SLC10A2: variants seen among roughly 807,000 people sequenced by gnomAD.
SLC10A2 encodes the protein solute carrier family 10 member 2, also known as ileal sodium/bile acid cotransporter.
In SLC10A2, 34 loss-of-function variants were observed where a neutral mutation model predicts 27.1. That is an observed-to-expected ratio of 1.26 (90% CI 0.96 to 1.67). The LOEUF is 1.67. Ranked by LOEUF, SLC10A2 falls within the 40% of genes most tolerant of loss-of-function variation. The pLI is 0.00. For synonymous variants in SLC10A2, 205 were observed against 174.0 expected, an observed-to-expected ratio of 1.18 and a Z score of -1.40; for missense variants, 530 against 444.4, an observed-to-expected ratio of 1.19 and a Z score of -1.73.
chr13:103,053,616 C>T (rs969758474), intron 2 of SLC10A2, among the ~76,000 whole-genome samples: 4 of 152,002 alleles, frequency 2.6e-5, no homozygotes, highest in Non-Finnish European at 2.9e-5. Context: ...TGATATTGAA[C>T]GGTGAAATTC....
intron 2 of SLC10A2, among the ~76,000 whole-genome samples, chr13:103,053,318 A>G (rs1875844203): frequency 6.6e-6 from 1 of 152,204 alleles, no homozygotes; most frequent in African/African-American, 2.4e-5. Context: ...GGTGAGAACA[A>G]AAGTTGAGAA....
Position 103,049,387 on chromosome 13 carries a change from A to G in SLC10A2, c.821T>C (p.Val274Ala), listed in dbSNP as rs749441636. The G allele has an allele frequency of 1.2e-6, 2 of 1,614,104 alleles. No homozygotes were observed. The highest frequency in any genetic ancestry group is 2.2e-5 in the South Asian group (2 of 91,080). ...CTCCTCAGGAGTGAAGGAGAGCTGA[A>G]CGATGGTGGAACATAGCTGCGTGTT... ...MQNTQLCSTI[V>A]QLSFTPEELN... The change falls in exon 5 of 6, where the codon GTT becomes GCT. Residue 274 changes from valine to alanine, a missense_variant. Val to Ala is a moderately conservative substitution (Grantham distance 64). Transcript: ENST00000245312.
At chr13:103,049,207 G>C in intron 5 of SLC10A2, 82 bp downstream of exon 5, 1 of 1,429,262 alleles carries the variant, frequency 7.0e-7, no homozygotes, top group Non-Finnish European at 9.8e-7. Context: ...ACCAGGAACG[G>C]GGAGTTTTAA....
chr13:103,046,693 C>T (rs1224171821), intron 5 of SLC10A2, among the ~76,000 whole-genome samples: 1 of 152,216 alleles, frequency 6.6e-6, no homozygotes, highest in Non-Finnish European at 1.5e-5. Context: ...CGTTCCCATT[C>T]CCTCCCTGCC....
intron 1 of SLC10A2, among the ~76,000 whole-genome samples, chr13:103,065,444 G>A (rs904940978): frequency 6.6e-6 from 1 of 152,132 alleles, no homozygotes. Flanking sequence ...TCTCACTACA[G>A]GTTCTAATGT....
At chr13:103,064,613 C>A (rs1876218354) in intron 1 of SLC10A2, among the ~76,000 whole-genome samples, 2 of 152,134 alleles carry the variant, frequency 1.3e-5, no homozygotes, top group Admixed American at 1.3e-4. Context: ...ATTTAGAATT[C>A]TCACTTCTGT....
At position 103,066,056 on chromosome 13, in the gene SLC10A2, G is replaced by A. The variant is rs112657170; in HGVS notation, c.194C>T (p.Pro65Leu). 1.5e-3 allele frequency: 2,391 copies of A among 1,614,136 alleles called. 6 individuals carry two copies. Among genetic ancestry groups the A allele is most frequent in the South Asian group, 6.7e-3 (609 of 91,072 alleles). The change falls in exon 1 of 6, where the codon CCG (proline) becomes CTG (leucine). Residue 65 changes from proline (P) to leucine (L), a missense_variant. By Grantham distance (98) the Pro-to-Leu change is moderately conservative. Transcript: ENST00000245312. ...IKKFLGHIKR[P>L]WGICVGFLCQ... Reference sequence around the variant, plus strand: ...GAGGAAGCCAACACAAATGCCCCACGGCCGCTTTATGTGCCCTAGAAATTT... The same window carrying A: ...GAGGAAGCCAACACAAATGCCCCACAGCCGCTTTATGTGCCCTAGAAATTT...
Position 103,049,294 on chromosome 13 carries a change from A to G in SLC10A2, c.914T>C (p.Leu305Ser). Residue 305 changes from leucine to serine, a missense_variant, in exon 5 of 6, where the codon TTA (leucine) becomes TCA (serine). Physicochemically the swap from Leu to Ser is moderately radical, Grantham distance 145 (BLOSUM62 -2). Transcript: ENST00000245312. The part of the protein sequence containing the change: ...IFQLAFAAIF[L>S]GFYVAYKKCH... ...GGATTGGCATGATTCCTTACATCCT[A>G]AGAATATTGCGGCAAAGGCGAGCTG... 6.2e-7 allele frequency: 1 copy of G among 1,613,722 alleles called. No individual in the cohort carries two copies.
chr13:103,051,129 C>T, intron 4 of SLC10A2, 128 bp downstream of exon 4: 1 of 886,588 alleles, frequency 1.1e-6, no homozygotes, highest in Non-Finnish European at 1.8e-6. Flanking sequence ...GTCTCTGAAA[C>T]CATGAGACAA....
At chr13:103,065,773 T>C (rs1053408536) in intron 1 of SLC10A2, 100 bp downstream of exon 1, 28 of 1,361,640 alleles carry the variant, frequency 2.1e-5, no homozygotes, top group Non-Finnish European at 2.4e-5. Flanking sequence ...TAGTCATACT[T>C]TAGATGCGTG....
chr13:103,057,312 C>T (rs1478891632), intron 2 of SLC10A2, among the ~76,000 whole-genome samples: 1 of 152,170 alleles, frequency 6.6e-6, no homozygotes, highest in Non-Finnish European at 1.5e-5. Flanking sequence ...TCCTTTGACC[C>T]TCATCCCTAA....
In SLC10A2 at chr13:103,049,483, T is replaced by C. The variant is rs765928689; in HGVS notation, c.762-37A>G. 6 of 1,611,184 alleles carry C rather than the reference T, an allele frequency of 3.7e-6. 1 individual carries two copies. The highest frequency in any genetic ancestry group is 2.2e-5 in the South Asian group (2 of 90,916). ...GTTAAGAGAGCACATGTTTTAGTAG[T>C]TTTGTTATTGTGAAACATGAAAAGC... On this transcript the variant is annotated intron_variant, in intron 4 of 5. Transcript: ENST00000245312.
Position 103,049,320 on chromosome 13 carries a change from G to A in SLC10A2, c.888C>T (p.Phe296=), listed in dbSNP as rs201615316. The A allele has an allele frequency of 6.2e-7, 1 of 1,613,930 alleles. No individual in the cohort carries two copies. Reference sequence around the variant, plus strand: ...AGAATATTGCGGCAAAGGCGAGCTGGAAAATGCTGTAGATGAGCGGGAAGG... The same window carrying A: ...AGAATATTGCGGCAAAGGCGAGCTGAAAAATGCTGTAGATGAGCGGGAAGG... The part of the protein sequence containing the change: ...VFTFPLIYSI[F]QLAFAAIFLG... Residue 296 remains phenylalanine (F), a synonymous_variant, in exon 5 of 6, where the codon TTC becomes TTT. Coordinates refer to ENST00000245312, the MANE Select transcript of SLC10A2 (RefSeq NM_000452.3).
intron 1 of SLC10A2, among the ~76,000 whole-genome samples, chr13:103,064,988 C>G (rs1481791204): frequency 6.6e-6 from 1 of 152,294 alleles, no homozygotes; most frequent in African/African-American, 2.4e-5. Context: ...GAGCTAATTG[C>G]CTACTGTACA....
intron 2 of SLC10A2, among the ~76,000 whole-genome samples, chr13:103,053,642 C>T (rs1875854689): frequency 6.6e-6 from 1 of 152,098 alleles, no homozygotes; most frequent in African/African-American, 2.4e-5. Flanking sequence ...GTGGATGTTG[C>T]TTAGTATTGA....
intron 2 of SLC10A2, among the ~76,000 whole-genome samples, chr13:103,057,241 T>C (rs1203734182): frequency 6.6e-6 from 1 of 152,184 alleles, no homozygotes; most frequent in East Asian, 1.9e-4. Context: ...ATCTTGTCTT[T>C]TGTTCGTGAT....
chr13:103,049,265 A>G (rs775346932), intron 5 of SLC10A2, 24 bp downstream of exon 5: 2 of 1,612,216 alleles, frequency 1.2e-6, no homozygotes, highest in Non-Finnish European at 1.7e-6. Flanking sequence ...ATTATCATGA[A>G]ATGGGATTGG....
At position 103,051,387 on chromosome 13, in the gene SLC10A2, C is replaced by T. The variant is rs758416592; in HGVS notation, c.631G>A (p.Val211Ile). The change falls in exon 4 of 6, where the codon GTT (valine) becomes ATT (isoleucine). Residue 211 changes from valine to isoleucine, a missense_variant. By Grantham distance (29) the Val-to-Ile change is conservative. Coordinates refer to ENST00000245312, the MANE Select transcript of SLC10A2 (RefSeq NM_000452.3). ...GAILIVLIAVVGGILYQSAWI... is the reference protein window; with the variant it reads ...GAILIVLIAVIGGILYQSAWI... ...GCGCTTTGGTACAATATTCCTCCAA[C>T]CACAGCTATGAGCACAATGAGGATG... The T allele has an allele frequency of 1.9e-6, 3 of 1,613,996 alleles. No individual in the cohort carries two copies. Among genetic ancestry groups the T allele is most frequent in the Admixed American group, 3.3e-5 (2 of 59,996 alleles).
chr13:103,057,176 T>C (rs1875962754), intron 2 of SLC10A2, among the ~76,000 whole-genome samples: 1 of 152,116 alleles, frequency 6.6e-6, no homozygotes, highest in Non-Finnish European at 1.5e-5. Context: ...AAAACCCAGG[T>C]ATTTGGGGCA....
Sources: allele counts gnomAD v4.1 joint callset (sites outside exome capture counted in the v4.1 genomes callset), GRCh38; gene constraint gnomAD v4.1.1; transcripts MANE v1.5; gene names NCBI Gene and HGNC (gene_info 2026-07-23, HGNC 2026-07-21).